LILRB2: variants seen among roughly 807,000 people sequenced by gnomAD.
LILRB2 encodes the protein leukocyte immunoglobulin-like receptor subfamily B member 2.
In LILRB2, 47 loss-of-function variants were observed where a neutral mutation model predicts 72.7. The observed-to-expected ratio is 0.65, with a 90% CI of 0.51 to 0.82. The LOEUF is 0.82. Ranked by LOEUF, LILRB2 falls within the 40% of genes least tolerant of loss-of-function variation. LILRB2 has a pLI of 0.00. For synonymous variants in LILRB2, 279 were observed against 313.7 expected, an observed-to-expected ratio of 0.89 and a Z score of 1.17; for missense variants, 767 against 764.8, an observed-to-expected ratio of 1.00 and a Z score of -0.03.
rs1360377939 is a variant in LILRB2, at chr19:54,274,545, G to A, written c.*138C>T. 8 of 1,477,894 alleles carry A rather than the reference G, an allele frequency of 5.4e-6. No homozygotes were observed. Among genetic ancestry groups the A allele is most frequent in the Non-Finnish European group, 7.2e-6 (8 of 1,104,956 alleles). 91.5% of individuals were successfully genotyped at this position (1,477,894 alleles called of 1,614,324 possible). On this transcript the variant is annotated 3_prime_UTR_variant, in exon 14 of 14. Coordinates refer to ENST00000314446, the MANE Select transcript of LILRB2 (RefSeq NM_001080978.4). Reference sequence around the variant, plus strand: ...ACTGCAGAATCAAGTGAGTCCCAAAGTTCCCAGCATCTCCTCATGGTCTTT... The same window carrying A: ...ACTGCAGAATCAAGTGAGTCCCAAAATTCCCAGCATCTCCTCATGGTCTTT...
chr19:54,281,055 C>T lies in LILRB2; in HGVS notation c.-143G>A. ...AGATCAGCAGAGAAGCATCTCGCCT[C>T]TGGCTGTGCTGTCCAGGTTGAGCTG... On this transcript the variant is annotated 5_prime_UTR_variant, in exon 1 of 14. Coordinates refer to ENST00000314446, the MANE Select transcript of LILRB2 (RefSeq NM_001080978.4). The T allele has an allele frequency of 2.1e-6, 1 of 478,052 alleles. No individual in the cohort carries two copies. The allele number at this position is 478,052 out of a possible 1,614,324, so 29.6% of individuals were successfully genotyped here.
chr19:54,277,195 C>G lies in LILRB2; in HGVS notation c.1358-266G>C. On this transcript the variant is annotated intron_variant, in intron 9 of 13. Coordinates refer to ENST00000314446, the MANE Select transcript of LILRB2 (RefSeq NM_001080978.4). Reference sequence around the variant, plus strand: ...GCAGCCCTTGTTCCTGCACCAGAGCCGAGCCCCGGAGCTGCAGGGAAAGAG... The same window carrying G: ...GCAGCCCTTGTTCCTGCACCAGAGCGGAGCCCCGGAGCTGCAGGGAAAGAG... 3.3e-6 allele frequency: 5 copies of G among 1,529,556 alleles called. No individual in the cohort carries two copies. In the South Asian group the frequency reaches 6.0e-5, roughly 18 times the overall value. The allele number at this position is 1,529,556 out of a possible 1,614,324, so 94.7% of individuals were successfully genotyped here.
intron 12 of LILRB2, 115 bp downstream of exon 12, chr19:54,276,149 G>A: frequency 6.4e-7 from 1 of 1,569,464 alleles, no homozygotes; most frequent in Non-Finnish European, 8.7e-7. Flanking sequence ...TGTGGGGTGA[G>A]ATGATCTCAC....
At chr19:54,278,635 G>C in intron 6 of LILRB2, 73 bp from the exon 7 acceptor site, 1 of 1,550,802 alleles carries the variant, frequency 6.4e-7, no homozygotes, top group Non-Finnish European at 8.8e-7. Flanking sequence ...GCCTCTCTAG[G>C]AGCCTCTGTC....
intron 11 of LILRB2, 35 bp downstream of exon 11, chr19:54,276,346 G>A (rs1569095563): frequency 6.2e-7 from 1 of 1,612,924 alleles, no homozygotes; most frequent in Non-Finnish European, 8.5e-7. Context: ...TGGGCCACGA[G>A]CAGGTGGGAG....
chr19:54,275,116 G>A, intron 13 of LILRB2: 1 of 1,565,784 alleles, frequency 6.4e-7, no homozygotes, highest in East Asian at 2.2e-5. Flanking sequence ...CTGACCTCCT[G>A]GAGTCAATTT....
chr19:54,275,569 C>A lies in LILRB2; in HGVS notation c.1647+382G>T, dbSNP rs1385128487. On this transcript the variant is annotated intron_variant, in intron 13 of 13. Coordinates refer to ENST00000314446, the MANE Select transcript of LILRB2 (RefSeq NM_001080978.4). ...CTCAGGAGGCGGGGGCGGCTTTGCT[C>A]CCTGCTGTGTCTGCAGCTCCCATGG... 5.7e-6 allele frequency: 3 copies of A among 522,228 alleles called. No individual in the cohort carries two copies. The East Asian group carries it at 1.6e-4, about 28-fold the overall frequency. The allele number at this position is 522,228 out of a possible 1,614,324, so 32.3% of individuals were successfully genotyped here.
chr19:54,280,274 G>A lies in LILRB2; in HGVS notation c.60C>T (p.Arg20=), dbSNP rs578081709. Residue 20 remains arginine, a synonymous_variant, in exon 3 of 14, where the codon CGC becomes CGT. Coordinates refer to ENST00000314446, the MANE Select transcript of LILRB2 (RefSeq NM_001080978.4). ...TGGGGACAGACTCACCTGTCTGCAC[G>A]CGGGTCCTGGGGCCCAGACTCAGCC... ...CLGLSLGPRT[R]VQTGTIPKPT... The A allele has an allele frequency of 2.5e-6, 4 of 1,614,068 alleles. No individual in the cohort carries two copies. Among genetic ancestry groups the A allele is most frequent in the Admixed American group, 3.3e-5 (2 of 60,026 alleles).
intron 8 of LILRB2, 83 bp downstream of exon 8, chr19:54,277,806 A>C: frequency 7.4e-7 from 1 of 1,349,342 alleles, no homozygotes; most frequent in Non-Finnish European, 1.0e-6. Flanking sequence ...TGAGTCCCTG[A>C]AGGGAATGGG....
chr19:54,277,801 C>T (rs890566014), intron 8 of LILRB2, 88 bp downstream of exon 8: 69 of 1,342,506 alleles, frequency 5.1e-5, no homozygotes, highest in Non-Finnish European at 6.6e-5. Context: ...TTGATTGAGT[C>T]CCTGAAGGGA....
Position 54,278,963 on chromosome 19 carries a change from A to G in LILRB2, c.804T>C (p.Pro268=). Reference sequence around the variant, plus strand: ...AGAGCCCAGCCTGGGGCTGCCGGCCAGGGAGCTGGCGAAGGTCACGTTCCC... The same window carrying G: ...AGAGCCCAGCCTGGGGCTGCCGGCCGGGGAGCTGGCGAAGGTCACGTTCCC... ...KEGERDLRQL[P]GRQPQAGLSQ... Residue 268 remains proline, a synonymous_variant, in exon 6 of 14, where the codon CCT becomes CCC. Coordinates refer to ENST00000314446, the MANE Select transcript of LILRB2 (RefSeq NM_001080978.4). The G allele has an allele frequency of 6.2e-7, 1 of 1,614,188 alleles. No homozygotes were observed. The highest frequency in any genetic ancestry group is 8.5e-7 in the Non-Finnish European group (1 of 1,180,010).
chr19:54,280,826 A>C, intron 1 of LILRB2, 135 bp downstream of exon 1: 3 of 690,868 alleles, frequency 4.3e-6, no homozygotes. Context: ...TGTAGCAGCA[A>C]ATAGAACTGG....
chr19:54,279,730 C>A, intron 4 of LILRB2, 61 bp downstream of exon 4: 1 of 1,608,764 alleles, frequency 6.2e-7, no homozygotes, highest in Non-Finnish European at 8.5e-7. Flanking sequence ...AGGGAGACAC[C>A]CCTGAGAGCC....
rs143142870 is a variant in LILRB2, at chr19:54,276,293, G to A, written c.1565C>T (p.Pro522Leu). 1 of 1,614,132 alleles carries A rather than the reference G, an allele frequency of 6.2e-7. No homozygotes were observed. The highest frequency in any genetic ancestry group is 1.3e-5 in the African/African-American group (1 of 74,984). ...TDRGLQWRSS[P>L]AADAQEENLY... ...GTTTTCTTCCTGGGCGTCGGCAGCTGGGCTGGACCTGGGGGAGGAATGGGA... is the reference window on the plus strand; with the variant it reads ...GTTTTCTTCCTGGGCGTCGGCAGCTAGGCTGGACCTGGGGGAGGAATGGGA... Residue 522 changes from proline (P) to leucine (L), a missense_variant, in exon 12 of 14, where the codon CCA becomes CTA. Physicochemically the swap from Pro to Leu is moderately conservative, Grantham distance 98 (BLOSUM62 -3). Transcript: ENST00000314446.
chr19:54,278,162 C>T lies in LILRB2; in HGVS notation c.1258+98G>A, dbSNP rs1408958022. 8 of 1,513,852 alleles carry T rather than the reference C, an allele frequency of 5.3e-6. No homozygotes were observed. In the African/African-American group the frequency reaches 1.1e-4, roughly 21 times the overall value. The allele number at this position is 1,513,852 out of a possible 1,614,324, so 93.8% of individuals were successfully genotyped here. A position where few individuals can be genotyped will look rare whatever the true frequency, so the allele number is the denominator to read the frequency against. On this transcript the variant is annotated intron_variant, in intron 7 of 13. Transcript: ENST00000314446. ...AGTCTCCCACTGGCTGAGCCCCGCT[C>T]AGACCCCCGCTCACTCCATCCCAGC... is the stretch of plus-strand genomic sequence containing the variant.
At chr19:54,276,637 A>T (rs1389163702) in intron 10 of LILRB2, 170 bp downstream of exon 10, 27 of 1,435,746 alleles carry the variant, frequency 1.9e-5, no homozygotes, top group Non-Finnish European at 2.4e-5. Flanking sequence ...AGCCCGGAGG[A>T]CACTTTATAT....
At chr19:54,279,729 C>A in intron 4 of LILRB2, 62 bp downstream of exon 4, 1 of 1,608,692 alleles carries the variant, frequency 6.2e-7, no homozygotes, top group Non-Finnish European at 8.5e-7. Flanking sequence ...GAGGGAGACA[C>A]CCCTGAGAGC....
Position 54,276,476 on chromosome 19 carries a change from G to A in LILRB2, c.1481-20C>T. On this transcript the variant is annotated intron_variant, in intron 10 of 13. Transcript: ENST00000314446. ...TCTGGGCTGGGGGAAGAAGGACAGA[G>A]CCTCAGCCCTGGGAACATTGGAGCC... The A allele has an allele frequency of 6.5e-7, 1 of 1,533,606 alleles. No homozygotes were observed. The highest frequency in any genetic ancestry group is 8.9e-7 in the Non-Finnish European group (1 of 1,126,048). The allele number at this position is 1,533,606 out of a possible 1,614,324, so 95.0% of individuals were successfully genotyped here.
Position 54,278,809 on chromosome 19 carries a change from C to T in LILRB2, c.955+3G>A, listed in dbSNP as rs1365034384. ...CCCTGACTGAACCCGCTGGGCTCCT[C>T]ACCTGTGATCAGGATGTCCAGGGGG... On this transcript the variant is annotated splice_donor_region_variant and intron_variant, in intron 6 of 13. Coordinates refer to ENST00000314446, the MANE Select transcript of LILRB2 (RefSeq NM_001080978.4). The T allele has an allele frequency of 2.5e-6, 4 of 1,612,058 alleles. No homozygotes were observed. In the African/African-American group the frequency reaches 4.0e-5, roughly 16 times the overall value.
Sources: allele counts gnomAD v4.1 joint callset, GRCh38; gene constraint gnomAD v4.1.1; transcripts MANE v1.5; gene names NCBI Gene and HGNC (gene_info 2026-07-23, HGNC 2026-07-21).